Variants in SLC25A21 observed in about 807,000 individuals in gnomAD.
The protein encoded by SLC25A21 is solute carrier family 25 member 21.
Under a neutral mutation model 43.8 loss-of-function variants are expected in SLC25A21, and 47 were observed. That is an observed-to-expected ratio of 1.07 (90% CI 0.85 to 1.37). The LOEUF is 1.37. Ranked by LOEUF, SLC25A21 falls within the 40% of genes most tolerant of loss-of-function variation. SLC25A21 has a pLI of 0.00. For synonymous variants in SLC25A21, 131 were observed against 121.3 expected (o/e 1.08, Z -0.52); for missense variants, 352 against 350.2 (o/e 1.00, Z -0.04).
intron 1 of SLC25A21, among the ~76,000 whole-genome samples, chr14:37,143,827 C>G (rs1465489147): frequency 6.6e-6 from 1 of 152,114 alleles, no homozygotes; most frequent in African/African-American, 2.4e-5. Flanking sequence ...TCATAGCTTA[C>G]ATTTTGTCTG....
intron 1 of SLC25A21, among the ~76,000 whole-genome samples, chr14:36,909,698 T>C (rs1022613423): frequency 2.6e-5 from 4 of 152,178 alleles, no homozygotes; most frequent in African/African-American, 9.7e-5. Flanking sequence ...TAACCTATAT[T>C]AACTAAATAT....
chr14:37,001,254 TA>T (rs1960482727), intron 1 of SLC25A21, among the ~76,000 whole-genome samples: 1 of 152,214 alleles, frequency 6.6e-6, no homozygotes, highest in Non-Finnish European at 1.5e-5. Context: ...AAGAATATGC[TA>T]AATGAGTGAA....
intron 2 of SLC25A21, among the ~76,000 whole-genome samples, chr14:36,842,750 T>C (rs1039835746): frequency 6.6e-6 from 1 of 152,024 alleles, no homozygotes; most frequent in African/African-American, 2.4e-5. Context: ...TAGAAAGACA[T>C]GATGGCATTT....
At chr14:37,099,662 T>C (rs1962779358) in intron 1 of SLC25A21, among the ~76,000 whole-genome samples, 1 of 152,152 alleles carries the variant, frequency 6.6e-6, no homozygotes, top group African/African-American at 2.4e-5. Context: ...CTTTTATTTA[T>C]AGAATAAGAA....
chr14:36,684,190 G>A (rs1387503392), intron 8 of SLC25A21, among the ~76,000 whole-genome samples: 1 of 152,086 alleles, frequency 6.6e-6, no homozygotes, highest in African/African-American at 2.4e-5. Flanking sequence ...AATGACTTTT[G>A]TAATTGAATT....
chr14:36,952,410 AG>A (rs1485403920), intron 1 of SLC25A21: 4 of 152,202 alleles, frequency 2.6e-5, no homozygotes, highest in Non-Finnish European at 5.9e-5. Flanking sequence ...ATTTGTGGGG[AG>A]GAAGTCATTT....
chr14:36,960,949 T>A (rs148926249), intron 1 of SLC25A21, among the ~76,000 whole-genome samples: 89 of 152,334 alleles, frequency 5.8e-4, no homozygotes, highest in Non-Finnish European at 1.1e-3. Context: ...ATTGCTCATA[T>A]GGAATTCAAC....
intron 1 of SLC25A21, among the ~76,000 whole-genome samples, chr14:36,892,132 G>A (rs1204931718): frequency 1.3e-5 from 2 of 152,096 alleles, no homozygotes; most frequent in African/African-American, 2.4e-5. Context: ...TGGAGAAAAG[G>A]GAACCCTCAC....
At position 37,142,891 on chromosome 14, in the gene SLC25A21, G is replaced by A. The variant is rs140802005; in HGVS notation, c.70+29390C>T. Among the ~76,000 whole-genome samples the A allele has an allele frequency of 5.8e-3, 889 of 152,318 alleles. 2 individuals are homozygous for A. The highest frequency in any genetic ancestry group is 0.01 in the Non-Finnish European group (697 of 68,024). ...CTCTCAGTTGTCAAGGACACAGGAA[G>A]GAACAATGAAATCATTATTTGACTA... On this transcript the variant is annotated intron_variant, in intron 1 of 9. Transcript: ENST00000331299.
chr14:36,958,872 G>A (rs1005075097), intron 1 of SLC25A21, among the ~76,000 whole-genome samples: 1 of 152,208 alleles, frequency 6.6e-6, no homozygotes, highest in Non-Finnish European at 1.5e-5. Context: ...CTCTAAAACT[G>A]TATTCTACAA....
chr14:37,059,761 G>A (rs1468256431), intron 1 of SLC25A21, among the ~76,000 whole-genome samples: 1 of 152,170 alleles, frequency 6.6e-6, no homozygotes, highest in Non-Finnish European at 1.5e-5. Flanking sequence ...GTCAGCATCT[G>A]AGGTGCCTTA....
intron 1 of SLC25A21, among the ~76,000 whole-genome samples, chr14:37,038,189 G>T (rs10047907): frequency 0.49 from 74,147 of 151,932 alleles, 21,179 homozygotes; most frequent in African/African-American, 0.81. Flanking sequence ...TAGCTAAACA[G>T]ATCTTAAATG....
At chr14:37,019,545 T>C (rs1402560279) in intron 1 of SLC25A21, among the ~76,000 whole-genome samples, 1 of 151,780 alleles carries the variant, frequency 6.6e-6, no homozygotes, top group Non-Finnish European at 1.5e-5. Flanking sequence ...GGGGCATGCC[T>C]GAAGAGTTAG....
chr14:36,952,209 C>CAATA (rs1199731673), intron 1 of SLC25A21: 1 of 152,466 alleles, frequency 6.6e-6, no homozygotes, highest in Non-Finnish European at 1.5e-5. Flanking sequence ...CCAGCCTGGG[C>CAATA]AATAGAGCAA....
intron 1 of SLC25A21, among the ~76,000 whole-genome samples, chr14:37,034,024 C>CTT (rs35599784): frequency 5.9e-4 from 88 of 148,010 alleles, no homozygotes; most frequent in Admixed American, 1.5e-3. Flanking sequence ...CACAATTTTG[C>CTT]TTTTTTTTTT....
At position 36,882,379 on chromosome 14, in the gene SLC25A21, T is replaced by C. The variant is rs545084387; in HGVS notation, c.71-7375A>G. 7.9e-5 allele frequency among the ~76,000 whole-genome samples: 12 copies of C among 152,244 alleles called. No individual in the cohort carries two copies. In the East Asian group the frequency reaches 2.3e-3, roughly 29 times the overall value. ...GCCTGGGCGACAGAGGGAGACCCTG[T>C]CTCAAAAAATAAAAAATAACATTTA... On this transcript the variant is annotated intron_variant, in intron 1 of 9. Transcript: ENST00000331299.
intron 1 of SLC25A21, among the ~76,000 whole-genome samples, chr14:37,016,749 A>T (rs1960865952): frequency 6.6e-6 from 1 of 152,128 alleles, no homozygotes; most frequent in African/African-American, 2.4e-5. Flanking sequence ...TCTATTGCTT[A>T]CTGTAGCCAC....
intron 2 of SLC25A21, among the ~76,000 whole-genome samples, chr14:36,861,899 T>C (rs1890074815): frequency 6.6e-6 from 1 of 151,988 alleles, no homozygotes; most frequent in Non-Finnish European, 1.5e-5. Flanking sequence ...ATACAGAATC[T>C]ACAAGGAACT....
intron 1 of SLC25A21, among the ~76,000 whole-genome samples, chr14:37,008,029 T>C (rs1308486513): frequency 2.0e-5 from 3 of 151,978 alleles, no homozygotes; most frequent in African/African-American, 7.2e-5. Context: ...CAACCACTAC[T>C]ACGGCTGGCT....
Sources: allele counts gnomAD v4.1 joint callset (sites outside exome capture counted in the v4.1 genomes callset), GRCh38; gene constraint gnomAD v4.1.1; transcripts MANE v1.5; gene names NCBI Gene and HGNC (gene_info 2026-07-23, HGNC 2026-07-21).